Variants in ZNF611 observed in about 807,000 individuals in gnomAD.
ZNF611 encodes zinc finger protein 611.
A neutral mutation model predicts 8.9 loss-of-function variants in ZNF611; 6 were observed. The observed-to-expected ratio is 0.68, with a 90% confidence interval of 0.37 to 1.34. ZNF611 has a LOEUF of 1.34. Among genes scored for constraint, ZNF611 ranks in the 40% most tolerant of loss-of-function variants. The probability of loss-of-function intolerance (pLI) is 0.02; values close to 1 mark genes in which losing one functional copy is unlikely to be tolerated. For synonymous variants in ZNF611, 262 were observed against 279.7 expected, an observed-to-expected ratio of 0.94 and a Z score of 0.63; for missense variants, 874 against 841.3, an observed-to-expected ratio of 1.04 and a Z score of -0.48.
intron 1 of ZNF611, among the ~76,000 whole-genome samples, chr19:52,732,494 T>TTGAGTTATTCAGAATAACTCACAGTAC (rs2062432442): frequency 1.2e-5 from 1 of 83,156 alleles, no homozygotes; most frequent in Non-Finnish European, 2.3e-5. Flanking sequence ...ACTCACAGTA[T>TTGAGTTATTCAGAATAACTCACAGTAC]TGAGTTATTC....
Position 52,729,492 on chromosome 19 carries a change from C to CAAAAAAAAAAAAAAAAAAAA in ZNF611, c.-122+394_-122+413dup, listed in dbSNP as rs397859789. 4.5e-4 allele frequency among the ~76,000 whole-genome samples: 19 copies of CAAAAAAAAAAAAAAAAAAAA among 42,358 alleles called. 1 individual carries two copies. The highest frequency in any genetic ancestry group is 9.8e-4 in the African/African-American group (8 of 8,158). The allele number at this position is 42,358 out of a possible 152,430, so 27.8% of individuals were successfully genotyped here. On this transcript the variant is annotated intron_variant, in intron 2 of 5. Transcript: ENST00000652185. ...TGGGTGACAGAGCGAGACTCCATCTCAAAAAAAAAAAAAAAAAAAAAAAAA... is the reference window on the plus strand; with the variant it reads ...TGGGTGACAGAGCGAGACTCCATCTCAAAAAAAAAAAAAAAAAAAAAAAAAAAAAAAAAAAAAAAAAAAAA...
intron 5 of ZNF611, chr19:52,708,220 G>A (rs1044205464): frequency 2.0e-5 from 3 of 152,156 alleles, no homozygotes; most frequent in African/African-American, 4.8e-5. Context: ...ATTAGGCCAG[G>A]CGCCTTGGCT....
At chr19:52,734,536 CGGGGGG>C (rs3029477) in intron 1 of ZNF611, among the ~76,000 whole-genome samples, 18 of 129,302 alleles carry the variant, frequency 1.4e-4, no homozygotes, top group Admixed American at 3.3e-4. Flanking sequence ...AGGTGCGGGG[CGGGGGG>C]GGGGGGCGCG....
At chr19:52,726,165 T>C (rs1370422808) in intron 3 of ZNF611, among the ~76,000 whole-genome samples, 1 of 152,184 alleles carries the variant, frequency 6.6e-6, no homozygotes, top group Non-Finnish European at 1.5e-5. Flanking sequence ...CTTCAGAGAC[T>C]TCCCTAGAGC....
intron 3 of ZNF611, among the ~76,000 whole-genome samples, chr19:52,725,306 C>A (rs1297495327): frequency 6.6e-6 from 1 of 152,176 alleles, no homozygotes. Flanking sequence ...TGGGTGGCAC[C>A]TGCAGGCTCC....
In ZNF611 at chr19:52,718,357, T is replaced by C. The variant is rs150106927; in HGVS notation, c.-19-2444A>G. Among the ~76,000 whole-genome samples, 73 of 151,560 alleles carry C rather than the reference T, an allele frequency of 4.8e-4. No homozygotes were observed. In the East Asian group the frequency reaches 5.9e-3, roughly 12 times the overall value. ...TAAATAAAAATATATATCTAAACAT[T>C]AGCCAGGCCTGGTGGGGCGTGCCTG... On this transcript the variant is annotated intron_variant, in intron 3 of 5. Coordinates refer to ENST00000652185, the MANE Select transcript of ZNF611 (RefSeq NM_001161499.2).
rs138947694 is a variant in ZNF611 at position 52,720,441 on chromosome 19, C to T, written c.-19-4528G>A. 2.2e-3 allele frequency among the ~76,000 whole-genome samples: 259 copies of T among 115,348 alleles called. 6 individuals carry two copies. Among genetic ancestry groups the T allele is most frequent in the African/African-American group, 4.7e-3 (125 of 26,410 alleles). The allele number at this position is 115,348 out of a possible 152,430, so 75.7% of individuals were successfully genotyped here. ...GGCACTCCTCACTTCCCAGAAGGGG[C>T]GGTTGCTGGACAGAGGCGCTCCTCA... is the stretch of plus-strand genomic sequence containing the variant. On this transcript the variant is annotated intron_variant, in intron 3 of 5. Transcript: ENST00000652185.
rs931709237 is a variant in ZNF611, at chr19:52,704,570, G to T, written c.*367C>A. The T allele has an allele frequency of 5.4e-6, 8 of 1,488,704 alleles. No homozygotes were observed. In the African/African-American group the frequency reaches 5.5e-5, roughly 10 times the overall value. 92.2% of individuals were successfully genotyped at this position (1,488,704 alleles called of 1,614,324 possible). A position where few individuals can be genotyped will look rare whatever the true frequency, so the allele number is the denominator to read the frequency against. On this transcript the variant is annotated 3_prime_UTR_variant, in exon 6 of 6. Transcript: ENST00000652185. ...CACCGATGACCTGCAATATGTGAAC[G>T]ATCTCTGAAAAATTTGCCACATTTA...
At chr19:52,726,892 G>A (rs2062396945) in intron 3 of ZNF611, among the ~76,000 whole-genome samples, 1 of 152,032 alleles carries the variant, frequency 6.6e-6, no homozygotes, top group South Asian at 2.1e-4. Context: ...TTGAGACAGA[G>A]TATTTCTCTG....
chr19:52,731,906 G>T (rs1306290534), intron 1 of ZNF611, among the ~76,000 whole-genome samples: 3 of 151,178 alleles, frequency 2.0e-5, no homozygotes, highest in African/African-American at 7.3e-5. Flanking sequence ...AGGAAGCCAA[G>T]GTTGTGGTGA....
chr19:52,718,676 T>A (rs2062334119), intron 3 of ZNF611, among the ~76,000 whole-genome samples: 1 of 151,926 alleles, frequency 6.6e-6, no homozygotes, highest in Non-Finnish European at 1.5e-5. Flanking sequence ...TGCGTGCCTC[T>A]AATCATAACT....
chr19:52,728,848 C>A lies in ZNF611; in HGVS notation c.-121-17G>T, dbSNP rs111242707. On this transcript the variant is annotated splice_polypyrimidine_tract_variant and intron_variant, in intron 2 of 5. Transcript: ENST00000652185. ...AAGAGATATCTACAAAATATAAACA[C>A]CAATACGTTTCCAATTAAGTCCAGA... 1,141 of 179,978 alleles carry A rather than the reference C, an allele frequency of 6.3e-3. 14 individuals are homozygous for A. Among genetic ancestry groups the A allele is most frequent in the African/African-American group, 0.025 (1,051 of 42,102 alleles). The allele number at this position is 179,978 out of a possible 1,614,324, so 11.1% of individuals were successfully genotyped here.
intron 4 of ZNF611, 140 bp from the exon 5 acceptor site, chr19:52,714,281 A>T: frequency 6.8e-7 from 1 of 1,470,152 alleles, no homozygotes; most frequent in Non-Finnish European, 9.0e-7. Flanking sequence ...ATTTTTGAAT[A>T]TTTTTTCCCT....
Position 52,719,093 on chromosome 19 carries a change from C to T in ZNF611, c.-19-3180G>A, listed in dbSNP as rs539123997. On this transcript the variant is annotated intron_variant, in intron 3 of 5. Coordinates refer to ENST00000652185, the MANE Select transcript of ZNF611 (RefSeq NM_001161499.2). ...GCTGAGGCAGAGCATTGCTTGAACCCGGGAGGTGGAGGTTGCAGTGAGTCA... is the reference window on the plus strand; with the variant it reads ...GCTGAGGCAGAGCATTGCTTGAACCTGGGAGGTGGAGGTTGCAGTGAGTCA... 5.3e-5 allele frequency among the ~76,000 whole-genome samples: 8 copies of T among 152,080 alleles called. No individual in the cohort carries two copies. The East Asian group carries it at 9.7e-4, about 18-fold the overall frequency.
At chr19:52,716,166 T>G (rs2062316113) in intron 3 of ZNF611, 1 of 425,104 alleles carries the variant, frequency 2.4e-6, no homozygotes, top group Non-Finnish European at 4.3e-6. Flanking sequence ...TGGGCTGGAC[T>G]GATCTCCCCT....
intron 4 of ZNF611, among the ~76,000 whole-genome samples, chr19:52,714,790 G>A (rs1430949966): frequency 6.7e-6 from 1 of 148,254 alleles, no homozygotes; most frequent in African/African-American, 2.5e-5. Context: ...ATGTGGTCAA[G>A]AGATTGAGAC....
At position 52,706,453 on chromosome 19, in the gene ZNF611, T is replaced by G. The variant is rs1425808513; in HGVS notation, c.602A>C (p.Gln201Pro). 6 of 1,614,066 alleles carry G rather than the reference T, an allele frequency of 3.7e-6. No homozygotes were observed. In the South Asian group the frequency reaches 6.6e-5, roughly 18 times the overall value. Residue 201 changes from glutamine to proline, a missense_variant, in exon 6 of 6, where the codon CAA (glutamine) becomes CCA (proline). Physicochemically the swap from Gln to Pro is moderately conservative, Grantham distance 76. Coordinates refer to ENST00000652185, the MANE Select transcript of ZNF611 (RefSeq NM_001161499.2). ...STFQRISCRP[Q>P]TQISNNYGNN... is the part of the protein sequence containing the mutation. ...CCCATAGTTATTAGAAATCTGGGTT[T>G]GGGGCCTACAGGAAATTCTTTGGAA...
At chr19:52,720,711 G>C (rs1186784654) in intron 3 of ZNF611, among the ~76,000 whole-genome samples, 2 of 151,582 alleles carry the variant, frequency 1.3e-5, no homozygotes, top group East Asian at 2.0e-4. Flanking sequence ...AGATGGCGTG[G>C]CCGGGCAGAG....
chr19:52,726,676 G>T (rs529632769), intron 3 of ZNF611, among the ~76,000 whole-genome samples: 8 of 149,554 alleles, frequency 5.3e-5, no homozygotes, highest in South Asian at 4.2e-4. Context: ...CCTCAGCCTC[G>T]CAAAGTGCTG....
Sources: allele counts gnomAD v4.1 joint callset (sites outside exome capture counted in the v4.1 genomes callset), GRCh38; gene constraint gnomAD v4.1.1; transcripts MANE v1.5; gene names NCBI Gene and HGNC (gene_info 2026-07-23, HGNC 2026-07-21).